EPHA6: variants seen among roughly 807,000 people sequenced by gnomAD.
EPHA6 encodes EPH receptor A6.
Under a neutral mutation model 112.0 loss-of-function variants are expected in EPHA6, and 50 were observed. That is an observed-to-expected ratio of 0.45 (90% confidence interval 0.36 to 0.56). The LOEUF (loss-of-function observed/expected upper bound fraction) is 0.56. EPHA6 is among the 20% of genes least tolerant of loss of function. The pLI, the probability that EPHA6 is intolerant of heterozygous loss-of-function variation, is 0.00. For missense variants in EPHA6, 1,280 were observed against 1,417.4 expected (o/e 0.90, Z 1.56); for synonymous variants, 529 against 490.7 (o/e 1.08, Z -1.03).
chr3:97,161,036 G>A (rs1035800632), intron 3 of EPHA6, among the ~76,000 whole-genome samples: 22 of 152,256 alleles, frequency 1.4e-4, no homozygotes, highest in African/African-American at 5.3e-4. Context: ...GTTTCTTTAT[G>A]GAACTTACTT....
intron 13 of EPHA6, among the ~76,000 whole-genome samples, chr3:97,637,602 G>C (rs777923409): frequency 2.6e-5 from 4 of 151,982 alleles, no homozygotes; most frequent in Non-Finnish European, 5.9e-5. Flanking sequence ...TATTACCTAA[G>C]CTTTTGAAAT....
chr3:97,328,079 A>ATATATATATATAT (rs398038939), intron 5 of EPHA6, among the ~76,000 whole-genome samples: 46 of 138,572 alleles, frequency 3.3e-4, no homozygotes, highest in African/African-American at 9.7e-4. Flanking sequence ...ATATATATAT[A>ATATATATATATAT]ACCTGTTTTG....
chr3:97,483,886 C>T lies in EPHA6; in HGVS notation c.2075-48C>T, dbSNP rs3762667. 23,436 of 1,550,128 alleles carry T rather than the reference C, an allele frequency of 0.015. 2,128 individuals carry two copies. In the African/African-American group the frequency reaches 0.23, roughly 15 times the overall value. ...TTTTAAATGTTCACAAGATATAGAC[C>T]ACTGAGATACTCAAACTAAATCAAT... On this transcript the variant is annotated intron_variant, in intron 9 of 17. Coordinates refer to ENST00000389672, the MANE Select transcript of EPHA6 (RefSeq NM_001080448.3).
intron 10 of EPHA6, among the ~76,000 whole-genome samples, chr3:97,490,410 A>T (rs1267699769): frequency 2.0e-5 from 3 of 152,182 alleles, no homozygotes; most frequent in Non-Finnish European, 4.4e-5. Context: ...TATTACATTG[A>T]TATTTTATTT....
intron 3 of EPHA6, among the ~76,000 whole-genome samples, chr3:96,999,871 G>T (rs1053201569): frequency 6.6e-6 from 1 of 151,800 alleles, no homozygotes; most frequent in African/African-American, 2.4e-5. Flanking sequence ...GGAGTTGAAG[G>T]TCATTGAGAA....
chr3:96,994,284 A>AT, intron 3 of EPHA6: 1 of 334,844 alleles, frequency 3.0e-6, no homozygotes, highest in Non-Finnish European at 6.2e-6. Flanking sequence ...CTGATATTTC[A>AT]TAACTTTTAA....
chr3:97,649,542 A>T lies in EPHA6; in HGVS notation c.2784+11460A>T, dbSNP rs180809415. ...AGGAAATGGCACTTTTTTTAGGCAA[A>T]CCTAAATTCAGCCACATAAGAATAA... On this transcript the variant is annotated intron_variant, in intron 14 of 17. Coordinates refer to ENST00000389672, the MANE Select transcript of EPHA6 (RefSeq NM_001080448.3). 3.2e-3 allele frequency among the ~76,000 whole-genome samples: 487 copies of T among 152,170 alleles called. 4 individuals are homozygous for T. Among genetic ancestry groups the T allele is most frequent in the South Asian group, 0.013 (65 of 4,822 alleles).
intron 3 of EPHA6, among the ~76,000 whole-genome samples, chr3:97,032,672 A>G (rs1252204375): frequency 1.3e-5 from 2 of 151,864 alleles, no homozygotes; most frequent in African/African-American, 4.8e-5. Flanking sequence ...GAGAATTCTA[A>G]TCTGAACTTC....
intron 3 of EPHA6, among the ~76,000 whole-genome samples, chr3:97,034,690 A>G (rs1018227154): frequency 2.0e-5 from 3 of 151,902 alleles, no homozygotes; most frequent in Non-Finnish European, 2.9e-5. Context: ...CATATTGCCT[A>G]TACCAGTTGT....
intron 5 of EPHA6, among the ~76,000 whole-genome samples, chr3:97,301,136 A>T (rs904549626): frequency 1.3e-5 from 2 of 152,102 alleles, no homozygotes; most frequent in Non-Finnish European, 1.5e-5. Flanking sequence ...ATCTTCTCCC[A>T]TTACTTTGAG....
At chr3:97,466,110 G>T (rs1428413456) in intron 7 of EPHA6, among the ~76,000 whole-genome samples, 2 of 151,828 alleles carry the variant, frequency 1.3e-5, no homozygotes, top group East Asian at 3.9e-4. Flanking sequence ...ATATCTCCTG[G>T]CACATGTGTT....
chr3:96,969,027 G>A (rs1189326652), intron 2 of EPHA6, among the ~76,000 whole-genome samples: 1 of 151,762 alleles, frequency 6.6e-6, no homozygotes, highest in African/African-American at 2.4e-5. Context: ...TTAATAATTT[G>A]TGAAATTAAA....
chr3:97,603,149 T>C (rs2093655595), intron 12 of EPHA6, among the ~76,000 whole-genome samples: 1 of 152,010 alleles, frequency 6.6e-6, no homozygotes, highest in Non-Finnish European at 1.5e-5. Flanking sequence ...GTAAAAACAA[T>C]CCAACATGAG....
At chr3:97,237,034 G>A (rs1463492520) in intron 4 of EPHA6, among the ~76,000 whole-genome samples, 1 of 151,434 alleles carries the variant, frequency 6.6e-6, no homozygotes, top group Non-Finnish European at 1.5e-5. Flanking sequence ...AAACCATTTT[G>A]GCCCTCTTGC....
chr3:96,819,012 T>C (rs906678291), intron 1 of EPHA6, among the ~76,000 whole-genome samples: 2 of 152,004 alleles, frequency 1.3e-5, no homozygotes, highest in Non-Finnish European at 2.9e-5. Context: ...AAAATGTTTT[T>C]ATGCAGTTCC....
At chr3:97,745,198 C>T (rs1052872845) in intron 16 of EPHA6, among the ~76,000 whole-genome samples, 10 of 151,842 alleles carry the variant, frequency 6.6e-5, no homozygotes, top group African/African-American at 2.2e-4. Context: ...CCATGAAGAC[C>T]TTTATTATTT....
intron 7 of EPHA6, among the ~76,000 whole-genome samples, chr3:97,456,120 C>T (rs77016115): frequency 0.015 from 2,283 of 152,118 alleles, 51 homozygotes; most frequent in African/African-American, 0.051. Context: ...TTTCTTAATA[C>T]AGAAAGTAAG....
At chr3:97,263,059 T>C (rs1391930128) in intron 5 of EPHA6, among the ~76,000 whole-genome samples, 1 of 152,226 alleles carries the variant, frequency 6.6e-6, no homozygotes, top group Non-Finnish European at 1.5e-5. Context: ...AAATATCTCT[T>C]TGGACATTTT....
At chr3:97,444,554 T>A (rs2090260714) in intron 6 of EPHA6, among the ~76,000 whole-genome samples, 1 of 152,166 alleles carries the variant, frequency 6.6e-6, no homozygotes, top group Admixed American at 6.6e-5. Context: ...GTCTGTAGAA[T>A]GAATGAGTCT....
Sources: allele counts gnomAD v4.1 joint callset (sites outside exome capture counted in the v4.1 genomes callset), GRCh38; gene constraint gnomAD v4.1.1; transcripts MANE v1.5; gene names NCBI Gene and HGNC (gene_info 2026-07-23, HGNC 2026-07-21).